CPED1: variants seen among roughly 807,000 people sequenced by gnomAD.
CPED1 encodes cadherin like and PC-esterase domain containing 1.
A neutral mutation model predicts 128.2 loss-of-function variants in CPED1; 114 were observed. That is an observed-to-expected ratio of 0.89 (90% CI 0.76 to 1.04). The LOEUF is 1.04. Among genes scored for constraint, CPED1 ranks in the 50% least tolerant of loss-of-function variants. The pLI is 0.00. For synonymous variants in CPED1, 462 were observed against 426.7 expected (o/e 1.08, Z -1.02); for missense variants, 1,211 against 1,207.1 (o/e 1.00, Z -0.05).
intron 16 of CPED1, among the ~76,000 whole-genome samples, chr7:121,207,283 A>C (rs1172592737): frequency 1.3e-5 from 2 of 152,068 alleles, no homozygotes; most frequent in African/African-American, 4.8e-5. Flanking sequence ...TTTAAAAAAA[A>C]TTTTAAGTGA....
intron 16 of CPED1, among the ~76,000 whole-genome samples, chr7:121,151,262 C>T (rs929998916): frequency 6.6e-6 from 1 of 152,106 alleles, no homozygotes; most frequent in African/African-American, 2.4e-5. Flanking sequence ...ATGCCGTATA[C>T]AATGTCAGAG....
chr7:120,989,826 A>G lies in CPED1; in HGVS notation c.205A>G (p.Lys69Glu). 2 of 1,614,154 alleles carry G rather than the reference A, an allele frequency of 1.2e-6. No individual in the cohort carries two copies. The highest frequency in any genetic ancestry group is 1.7e-5 in the Admixed American group (1 of 60,026). The change falls in exon 2 of 23, where the codon AAA (lysine) becomes GAA (glutamate). Residue 69 changes from lysine to glutamate, a missense_variant. Coordinates refer to ENST00000310396, the MANE Select transcript of CPED1 (RefSeq NM_024913.5). The part of the protein sequence containing the change: ...SRCKKGFSQD[K>E]QCFLLSGNAQ... ...ATGCAAGAAAGGATTCTCTCAGGAC[A>G]AACAGTGCTTCCTTCTCTCTGGTAA...
At chr7:121,195,922 G>A (rs1797260682) in intron 16 of CPED1, among the ~76,000 whole-genome samples, 1 of 152,068 alleles carries the variant, frequency 6.6e-6, no homozygotes, top group Non-Finnish European at 1.5e-5. Flanking sequence ...AAGCCTTGCT[G>A]TGTTGTTTGG....
intron 16 of CPED1, among the ~76,000 whole-genome samples, chr7:121,198,383 C>T (rs1232524398): frequency 6.6e-6 from 1 of 152,106 alleles, no homozygotes; most frequent in African/African-American, 2.4e-5. Context: ...GTTTCTTGTG[C>T]ACATGCTATG....
In CPED1 at chr7:120,995,720, C is replaced by A. The variant is rs1252652324; in HGVS notation, c.249+5850C>A. Among the ~76,000 whole-genome samples, 5 of 152,082 alleles carry A rather than the reference C, an allele frequency of 3.3e-5. No individual in the cohort carries two copies. In the South Asian group the frequency reaches 8.3e-4, roughly 25 times the overall value. Reference sequence around the variant, plus strand: ...TTTCCTAGATGCATAGTTTTTACACCTTTGATATTTCTTGCTTCTTCCCTG... The same window carrying A: ...TTTCCTAGATGCATAGTTTTTACACATTTGATATTTCTTGCTTCTTCCCTG... On this transcript the variant is annotated intron_variant, in intron 2 of 22. Coordinates refer to ENST00000310396, the MANE Select transcript of CPED1 (RefSeq NM_024913.5).
chr7:121,244,417 G>A, intron 18 of CPED1, 79 bp downstream of exon 18: 2 of 1,459,806 alleles, frequency 1.4e-6, no homozygotes, highest in Middle Eastern at 1.8e-4. Context: ...GTATCTACTA[G>A]ACCAATTCCT....
chr7:121,216,651 G>A (rs1289710524), intron 16 of CPED1, among the ~76,000 whole-genome samples: 1 of 151,958 alleles, frequency 6.6e-6, no homozygotes, highest in Non-Finnish European at 1.5e-5. Context: ...CCAGTTCAGA[G>A]TCTTAAGATT....
intron 7 of CPED1, among the ~76,000 whole-genome samples, chr7:121,115,164 C>T (rs1292578571): frequency 6.6e-6 from 1 of 152,094 alleles, no homozygotes; most frequent in Non-Finnish European, 1.5e-5. Flanking sequence ...GTACTCAGGG[C>T]ACATGGAGAT....
At chr7:121,218,901 A>G (rs1297074058) in intron 16 of CPED1, among the ~76,000 whole-genome samples, 1 of 152,082 alleles carries the variant, frequency 6.6e-6, no homozygotes, top group Non-Finnish European at 1.5e-5. Flanking sequence ...TCTGCAGCCT[A>G]TTACCTATTT....
chr7:121,208,502 T>C (rs1325901422), intron 16 of CPED1, among the ~76,000 whole-genome samples: 1 of 152,036 alleles, frequency 6.6e-6, no homozygotes, highest in African/African-American at 2.4e-5. Context: ...TTTAATCCTC[T>C]GAACAATTTT....
rs150124636 is a variant in CPED1 at position 121,129,747 on chromosome 7, A to G, written c.1408-378A>G. Among the ~76,000 whole-genome samples the G allele has an allele frequency of 9.5e-3, 1,441 of 152,080 alleles. 19 individuals carry two copies. The highest frequency in any genetic ancestry group is 0.032 in the African/African-American group (1,342 of 41,538). On this transcript the variant is annotated intron_variant, in intron 11 of 22. Coordinates refer to ENST00000310396, the MANE Select transcript of CPED1 (RefSeq NM_024913.5). ...CCACAGATTTTTATTTGCGGGGGAA[A>G]GAGGGGAAGATTAATATTTCTCACT...
intron 16 of CPED1, 78 bp downstream of exon 16, chr7:121,142,219 T>G (rs889092968): frequency 1.3e-5 from 17 of 1,297,852 alleles, no homozygotes; most frequent in Non-Finnish European, 1.7e-5. Context: ...CAAATGAAAA[T>G]TATTACAAGA....
At chr7:121,093,782 C>T (rs1432580471) in intron 5 of CPED1, among the ~76,000 whole-genome samples, 1 of 152,152 alleles carries the variant, frequency 6.6e-6, no homozygotes, top group Non-Finnish European at 1.5e-5. Context: ...GGAAACTTCT[C>T]CTTCCTGGGC....
At chr7:121,240,762 T>G (rs1332003351) in intron 17 of CPED1, among the ~76,000 whole-genome samples, 1 of 378 alleles carries the variant, frequency 2.6e-3, no homozygotes, top group Non-Finnish European at 0.013. Context: ...TTGCCTCTTC[T>G]GTTAAAAAAA....
chr7:121,260,067 C>A (rs1433741259), intron 18 of CPED1, among the ~76,000 whole-genome samples: 1 of 151,678 alleles, frequency 6.6e-6, no homozygotes, highest in African/African-American at 2.4e-5. Flanking sequence ...GTGCACCTCA[C>A]TCTTACCAGG....
chr7:121,216,183 A>G (rs1797755476), intron 16 of CPED1, among the ~76,000 whole-genome samples: 1 of 152,030 alleles, frequency 6.6e-6, no homozygotes, highest in Non-Finnish European at 1.5e-5. Context: ...ATAGAAAAGT[A>G]TTTCTCTCTT....
chr7:121,053,604 G>A (rs1375290933), intron 4 of CPED1, among the ~76,000 whole-genome samples: 2 of 152,248 alleles, frequency 1.3e-5, no homozygotes, highest in Non-Finnish European at 2.9e-5. Context: ...TTTTGAGACT[G>A]TAAAAAGATC....
chr7:121,287,893 TTTCTC>T (rs1792617983), intron 22 of CPED1, among the ~76,000 whole-genome samples: 1 of 152,150 alleles, frequency 6.6e-6, no homozygotes, highest in Admixed American at 6.5e-5. Context: ...AATGGGATCT[TTTCTC>T]TAATATATTT....
intron 16 of CPED1, among the ~76,000 whole-genome samples, chr7:121,221,456 T>C (rs1427560088): frequency 2.6e-5 from 4 of 152,234 alleles, no homozygotes; most frequent in Non-Finnish European, 1.5e-5. Context: ...TAGCATGATT[T>C]ATAATCCTTT....
Sources: allele counts gnomAD v4.1 joint callset (sites outside exome capture counted in the v4.1 genomes callset), GRCh38; gene constraint gnomAD v4.1.1; transcripts MANE v1.5; gene names NCBI Gene and HGNC (gene_info 2026-07-23, HGNC 2026-07-21).